Variants in RAI1 observed in about 807,000 individuals in gnomAD.
The protein encoded by RAI1 is retinoic acid induced 1.
RAI1 carries 9 observed loss-of-function variants against 123.8 expected under a neutral mutation model. The ratio of observed to expected loss-of-function variants is 0.07; its 90% CI spans 0.04 to 0.13. The LOEUF is 0.13. Ranked by LOEUF, RAI1 falls within the 10% of genes least tolerant of loss-of-function variation. The pLI, the probability that RAI1 is intolerant of heterozygous loss-of-function variation, is 1.00. For synonymous variants in RAI1, 1,231 were observed against 1,127.3 expected (o/e 1.09, Z -1.84); for missense variants, 2,256 against 2,545.8 (o/e 0.89, Z 2.45).
rs58147049 is a variant in RAI1 at position 17,800,180 on chromosome 17, GTCTCTCTCTCTC to G, written c.5565+1704_5565+1715del. On this transcript the variant is annotated intron_variant, in intron 3 of 5. Coordinates refer to ENST00000353383, the MANE Select transcript of RAI1 (RefSeq NM_030665.4). The surrounding 1 kb of genome is among the most constrained non-coding windows in gnomAD (Gnocchi z 4.7). ...TCTCTCCTGCTTTCTGTCTCTCTCTGTCTCTCTCTCTCTCTCTCTCTCTCTCTCTCTCTCTCT... is the reference window on the plus strand; with the variant it reads ...TCTCTCCTGCTTTCTGTCTCTCTCTGTCTCTCTCTCTCTCTCTCTCTCTCT... Among the ~76,000 whole-genome samples the G allele has an allele frequency of 5.2e-4, 60 of 116,398 alleles. No individual in the cohort carries two copies. The highest frequency in any genetic ancestry group is 5.0e-3 in the Middle Eastern group (1 of 202). 76.4% of individuals were successfully genotyped at this position (116,398 alleles called of 152,430 possible). A position where few individuals can be genotyped will look rare whatever the true frequency, so the allele number is the denominator to read the frequency against.
chr17:17,690,651 G>GT (rs1480279845), intron 1 of RAI1, among the ~76,000 whole-genome samples: 2 of 152,224 alleles, frequency 1.3e-5, no homozygotes, highest in Non-Finnish European at 2.9e-5. Context: ...AGTGTGCTTA[G>GT]TAAATATTGT....
rs200422280 is a variant in RAI1 at position 17,796,355 on chromosome 17, C to T, written c.3407C>T (p.Thr1136Met). Residue 1136 changes from threonine to methionine, a missense_variant, in exon 3 of 6, where the codon ACG (threonine) becomes ATG (methionine). Thr to Met is a moderately conservative substitution (Grantham distance 81). This residue lies in a region of RAI1 where 322 missense variants were observed against 358.0 expected (regional missense o/e 0.90). Transcript: ENST00000353383. This position sits in a 1 kb window ranked among gnomAD's most constrained non-coding sequence, Gnocchi z 5.8. ...SKTKETDSPSTPGKDQRSMIL... is the reference protein window; with the variant it reads ...SKTKETDSPSMPGKDQRSMIL... ...ACCAAGGAGACAGACTCACCCAGCA[C>T]GCCTGGCAAGGACCAGCGCTCCATG... 4.5e-5 allele frequency: 72 copies of T among 1,613,586 alleles called. No individual in the cohort carries two copies. Among genetic ancestry groups the T allele is most frequent in the Admixed American group, 8.3e-5 (5 of 60,028 alleles).
At chr17:17,688,975 A>G (rs1238769775) in intron 1 of RAI1, among the ~76,000 whole-genome samples, 1 of 146,818 alleles carries the variant, frequency 6.8e-6, no homozygotes, top group African/African-American at 2.5e-5. Context: ...TTTTTTTTTG[A>G]GCCGGAGTGT....
chr17:17,689,645 T>G (rs1914770075), intron 1 of RAI1, among the ~76,000 whole-genome samples: 1 of 152,218 alleles, frequency 6.6e-6, no homozygotes, highest in Non-Finnish European at 1.5e-5. Flanking sequence ...TATTTTGGAC[T>G]TTGCCTGGGT....
At chr17:17,787,628 C>T (rs922518402) in intron 2 of RAI1, among the ~76,000 whole-genome samples, 7 of 152,234 alleles carry the variant, frequency 4.6e-5, no homozygotes, top group Non-Finnish European at 1.5e-5. Context: ...CCATCTGCCC[C>T]TCGTCCCTGG....
At chr17:17,775,762 G>C (rs4924816) in intron 2 of RAI1, among the ~76,000 whole-genome samples, 6,165 of 152,246 alleles carry the variant, frequency 0.04, 417 homozygotes, top group African/African-American at 0.14. Flanking sequence ...GGTGGAGGGG[G>C]AGGCAGGAGA....
At chr17:17,732,475 A>T (rs1031975615) in intron 2 of RAI1, among the ~76,000 whole-genome samples, 3 of 152,182 alleles carry the variant, frequency 2.0e-5, no homozygotes, top group Non-Finnish European at 4.4e-5. Context: ...CTGTTGTGTG[A>T]TGCCAGGCAG....
chr17:17,768,583 G>A (rs758582953), intron 2 of RAI1, among the ~76,000 whole-genome samples: 3 of 152,226 alleles, frequency 2.0e-5, no homozygotes, highest in Non-Finnish European at 4.4e-5. Context: ...TGACCATCAC[G>A]TGAGGGGCTG....
intron 1 of RAI1, among the ~76,000 whole-genome samples, chr17:17,708,023 G>A (rs1050709673): frequency 6.6e-6 from 1 of 152,168 alleles, no homozygotes; most frequent in Non-Finnish European, 1.5e-5. Context: ...AAGGCTCCTG[G>A]AGGCTCTGGC....
intron 2 of RAI1, among the ~76,000 whole-genome samples, chr17:17,754,766 C>T (rs547590308): frequency 6.6e-6 from 1 of 152,334 alleles, no homozygotes; most frequent in Non-Finnish European, 1.5e-5. Context: ...GCCACCAGGC[C>T]TCAACTTGGG....
chr17:17,708,972 G>A (rs548682317), intron 1 of RAI1, among the ~76,000 whole-genome samples: 5 of 152,334 alleles, frequency 3.3e-5, no homozygotes, highest in South Asian at 2.1e-4. Context: ...AGTCCACCAC[G>A]GGCCTTTCCT....
At position 17,810,730 on chromosome 17, in the gene RAI1, C is replaced by A. The variant is rs1598103323; in HGVS notation, c.*749C>A. 2.3e-6 allele frequency: 1 copy of A among 437,946 alleles called. No homozygotes were observed. Among genetic ancestry groups the A allele is most frequent in the Non-Finnish European group, 4.7e-6 (1 of 214,404 alleles). 27.1% of individuals were successfully genotyped at this position (437,946 alleles called of 1,614,324 possible). The stretch of plus-strand genomic sequence containing the variant: ...CCTTTGGCCTCTGTTTGTCCCCTTT[C>A]CAGTCCTCCACCCCACCCCTGGAGC... On this transcript the variant is annotated 3_prime_UTR_variant, in exon 6 of 6. Coordinates refer to ENST00000353383, the MANE Select transcript of RAI1 (RefSeq NM_030665.4). This position sits in a 1 kb window ranked among gnomAD's most constrained non-coding sequence, Gnocchi z 4.6.
chr17:17,697,027 C>A (rs995420591), intron 1 of RAI1, among the ~76,000 whole-genome samples: 1 of 152,244 alleles, frequency 6.6e-6, no homozygotes, highest in African/African-American at 2.4e-5. Context: ...CCTCCCTCTG[C>A]CCAGCTGCCC....
intron 2 of RAI1, among the ~76,000 whole-genome samples, chr17:17,727,116 A>G (rs1916118074): frequency 6.6e-6 from 1 of 152,254 alleles, no homozygotes; most frequent in Non-Finnish European, 1.5e-5. Flanking sequence ...CTGATGCCGA[A>G]GGCTCCGACT....
At chr17:17,702,639 G>T (rs1435652735) in intron 1 of RAI1, among the ~76,000 whole-genome samples, 2 of 152,210 alleles carry the variant, frequency 1.3e-5, no homozygotes, top group African/African-American at 4.8e-5. Flanking sequence ...CTAGAGGGAG[G>T]TCCCTACTGG....
intron 2 of RAI1, among the ~76,000 whole-genome samples, chr17:17,762,312 A>G (rs1371243886): frequency 2.0e-5 from 3 of 152,078 alleles, no homozygotes; most frequent in Admixed American, 2.0e-4. Flanking sequence ...GGCGGAGGGA[A>G]CAGCATGTGC....
chr17:17,807,957 C>T (rs2032627575), intron 4 of RAI1, among the ~76,000 whole-genome samples: 1 of 152,222 alleles, frequency 6.6e-6, no homozygotes, highest in Non-Finnish European at 1.5e-5. Context: ...CCTGCTACCA[C>T]CCAGCCCTGC....
At chr17:17,729,949 T>G (rs1916215733) in intron 2 of RAI1, among the ~76,000 whole-genome samples, 1 of 152,136 alleles carries the variant, frequency 6.6e-6, no homozygotes, top group African/African-American at 2.4e-5. Flanking sequence ...CTAGTGAGAT[T>G]TGCTGAACCT....
intron 1 of RAI1, among the ~76,000 whole-genome samples, chr17:17,693,332 T>TG (rs1307919972): frequency 6.6e-6 from 1 of 152,172 alleles, no homozygotes; most frequent in African/African-American, 2.4e-5. Flanking sequence ...TGGCAGCCAG[T>TG]GGGTTGCTGG....
Sources: allele counts gnomAD v4.1 joint callset (sites outside exome capture counted in the v4.1 genomes callset), GRCh38; gene constraint gnomAD v4.1.1; regional missense constraint gnomAD v4.1.1; non-coding constraint Gnocchi (gnomAD v3.1); transcripts MANE v1.5; gene names NCBI Gene and HGNC (gene_info 2026-07-23, HGNC 2026-07-21).